Variants in DECR2 observed in about 807,000 individuals in gnomAD.
DECR2 encodes peroxisomal 2,4-dienoyl-CoA reductase [(3E)-enoyl-CoA-producing].
Under a neutral mutation model 29.2 loss-of-function variants are expected in DECR2, and 34 were observed. The observed-to-expected ratio is 1.16, with a 90% CI of 0.89 to 1.55. The LOEUF (loss-of-function observed/expected upper bound fraction) is 1.55. Among genes scored for constraint, DECR2 ranks in the 40% most tolerant of loss-of-function variants. The pLI is 0.00. For missense variants in DECR2, 485 were observed against 425.3 expected, an observed-to-expected ratio of 1.14 and a Z score of -1.23; for synonymous variants, 224 against 182.7, an observed-to-expected ratio of 1.23 and a Z score of -1.82.
At chr16:411,314 G>C (rs1319832955) in intron 7 of DECR2, 47 bp from the exon 8 acceptor site, 1 of 1,552,480 alleles carries the variant, frequency 6.4e-7, no homozygotes, top group Admixed American at 1.7e-5. Flanking sequence ...AGGGGAGGGT[G>C]CTGGGTCTTG....
rs561529923 is a variant in DECR2, at chr16:406,637, A to G, written c.201+240A>G. Reference sequence around the variant, plus strand: ...CTCAGCCTCCGGAGTAGCTGGGACTACAGGTGCCCGCCACCACGCCTGGCT... The same window carrying G: ...CTCAGCCTCCGGAGTAGCTGGGACTGCAGGTGCCCGCCACCACGCCTGGCT... On this transcript the variant is annotated intron_variant, in intron 3 of 8. Transcript: ENST00000219481. 56 of 640,680 alleles carry G rather than the reference A, an allele frequency of 8.7e-5. 1 individual carries two copies. In the African/African-American group the frequency reaches 9.0e-4, roughly 10 times the overall value. 39.7% of individuals were successfully genotyped at this position (640,680 alleles called of 1,614,324 possible).
In DECR2 at chr16:410,793, AC is replaced by A. The variant is rs35431910; in HGVS notation, c.556+18del. On this transcript the variant is annotated intron_variant, in intron 6 of 8. Coordinates refer to ENST00000219481, the MANE Select transcript of DECR2 (RefSeq NM_020664.4). The surrounding 1 kb of genome is among the most constrained non-coding windows in gnomAD (Gnocchi z 4.1). ...CGCCAAGGCCGCTGTGGGTATGACC[AC>A]CCCCCCCCGCCCAGGTTTGCCCACG... is the stretch of plus-strand genomic sequence containing the variant. The A allele has an allele frequency of 3.2e-3, 4,500 of 1,421,228 alleles. 21 individuals are homozygous for A. The highest frequency in any genetic ancestry group is 0.024 in the African/African-American group (1,636 of 67,798). 88.0% of individuals were successfully genotyped at this position (1,421,228 alleles called of 1,614,324 possible). A position where few individuals can be genotyped will look rare whatever the true frequency, so the allele number is the denominator to read the frequency against.
chr16:408,321 C>CTCTGTCTCCAGGCCTTTGTGTCCCGCCT (rs2054768142), intron 4 of DECR2, among the ~76,000 whole-genome samples: 1 of 149,012 alleles, frequency 6.7e-6, no homozygotes, highest in African/African-American at 2.5e-5. Context: ...GTCTCTGGCC[C>CTCTGTCTCCAGGCCTTTGTGTCCCGCCT]TCTGTCTCTG....
chr16:407,069 G>T, intron 3 of DECR2: 2 of 1,082,278 alleles, frequency 1.8e-6, no homozygotes, highest in African/African-American at 3.3e-5. Context: ...GGGCTCACCT[G>T]GGTTATTTAG....
At chr16:411,799 A>G in intron 8 of DECR2, 91 bp from the exon 9 acceptor site, 1 of 509,116 alleles carries the variant, frequency 2.0e-6, no homozygotes, top group Non-Finnish European at 3.4e-6. Flanking sequence ...CTCTGCCGGC[A>G]TTTCTGGCAG....
chr16:406,455 G>A, intron 3 of DECR2, 58 bp downstream of exon 3: 1 of 1,584,122 alleles, frequency 6.3e-7, no homozygotes. Flanking sequence ...GCTGGGGCTG[G>A]GCCTGGGCCA....
intron 7 of DECR2, 90 bp from the exon 8 acceptor site, chr16:411,271 C>A: frequency 7.3e-7 from 1 of 1,367,124 alleles, no homozygotes; most frequent in Non-Finnish European, 1.0e-6. Context: ...CCTTGCTGTT[C>A]CCAGATGCCT....
At chr16:408,086 C>CTGTCTCCGGGCCTCTGTCTCCGGGCCT (rs1567340842) in intron 4 of DECR2, among the ~76,000 whole-genome samples, 1 of 5,218 alleles carries the variant, frequency 1.9e-4, no homozygotes, top group East Asian at 6.3e-3. Context: ...TCTCCGGGCC[C>CTGTCTCCGGGCCTCTGTCTCCGGGCCT]CTGTCTCCAG....
intron 4 of DECR2, among the ~76,000 whole-genome samples, chr16:408,536 T>A (rs1166754337): frequency 2.7e-5 from 4 of 149,814 alleles, no homozygotes; most frequent in African/African-American, 9.9e-5. Context: ...TTTTTTTTTT[T>A]AGACAGCATC....
intron 4 of DECR2, among the ~76,000 whole-genome samples, chr16:408,652 C>T (rs544191951): frequency 3.0e-4 from 45 of 151,828 alleles, no homozygotes; most frequent in African/African-American, 1.0e-3. Context: ...GGACTACAGA[C>T]GTGTGCCATC....
In DECR2 at chr16:410,983, C is replaced by T. The variant is rs758307119; in HGVS notation, c.568C>T (p.Arg190Trp). 9 of 1,599,754 alleles carry T rather than the reference C, an allele frequency of 5.6e-6. No homozygotes were observed. The highest frequency in any genetic ancestry group is 2.3e-5 in the East Asian group (1 of 44,206). The change falls in exon 7 of 9, where the codon CGG becomes TGG. Residue 190 changes from arginine to tryptophan, a missense_variant. Coordinates refer to ENST00000219481, the MANE Select transcript of DECR2 (RefSeq NM_020664.4). This position sits in a 1 kb window ranked among gnomAD's most constrained non-coding sequence, Gnocchi z 4.1. ...TTTCTTCTGTGCAGACGCGATGACG[C>T]GGCACTTGGCTGTGGAGTGGGGTCC... ...SAKAAVDAMT[R>W]HLAVEWGPQN...
intron 4 of DECR2, 123 bp downstream of exon 4, chr16:407,683 G>C (rs2054742893): frequency 9.0e-6 from 13 of 1,440,238 alleles, no homozygotes; most frequent in African/African-American, 1.4e-5. Context: ...TGCTGGGGTG[G>C]GCTGCACCCC....
At chr16:407,247 C>T in intron 3 of DECR2, 178 bp from the exon 4 acceptor site, 1 of 1,415,296 alleles carries the variant, frequency 7.1e-7, no homozygotes, top group Non-Finnish European at 9.2e-7. Context: ...GTGGCAGGTT[C>T]CCACAAACAT....
chr16:402,175 CTTTCTT>C lies in DECR2; in HGVS notation c.80+136_80+141del, dbSNP rs1353826915. ...TGCCTGGCTCCTTTCTTTCTTTTTT[CTTTCTT>C]TTTTTTTTTTTGAGACGGAATCTCG... On this transcript the variant is annotated intron_variant, in intron 1 of 8. Coordinates refer to ENST00000219481, the MANE Select transcript of DECR2 (RefSeq NM_020664.4). 3 of 718,390 alleles carry C rather than the reference CTTTCTT, an allele frequency of 4.2e-6. No individual in the cohort carries two copies. The African/African-American group carries it at 6.0e-5, about 14-fold the overall frequency. 44.5% of individuals were successfully genotyped at this position (718,390 alleles called of 1,614,324 possible).
intron 1 of DECR2, among the ~76,000 whole-genome samples, chr16:404,164 C>A (rs2054698211): frequency 6.6e-6 from 1 of 151,566 alleles, no homozygotes; most frequent in African/African-American, 2.4e-5. Flanking sequence ...CAGAGCGAGA[C>A]TCCATCTCAA....
chr16:410,761 C>CA lies in DECR2; in HGVS notation c.534dup (p.Gly179ArgfsTer113). 2.5e-6 allele frequency: 4 copies of CA among 1,603,004 alleles called. No homozygotes were observed. The highest frequency in any genetic ancestry group is 3.4e-6 in the Non-Finnish European group (4 of 1,176,526). On this transcript the variant is annotated frameshift_variant, in exon 6 of 9. Transcript: ENST00000219481. LOFTEE classifies it high-confidence loss of function. This position sits in a 1 kb window ranked among gnomAD's most constrained non-coding sequence, Gnocchi z 4.1. ...CGGGGGCAGGCGCTCCAGGTGCATGCAGGCTCCGCCAAGGCCGCTGTGGGT... is the reference window on the plus strand; with the variant it reads ...CGGGGGCAGGCGCTCCAGGTGCATGCAAGGCTCCGCCAAGGCCGCTGTGGGT...
Position 410,830 on chromosome 16 carries a change from A to G in DECR2, c.556+46A>G, listed in dbSNP as rs61645593. On this transcript the variant is annotated intron_variant, in intron 6 of 8. Transcript: ENST00000219481. This position sits in a 1 kb window ranked among gnomAD's most constrained non-coding sequence, Gnocchi z 4.1. ...CCAGGTTTGCCCACGTGGGTCCCCA[A>G]TGGGCCGTCTGCTTCCATCCCAGGA... The G allele has an allele frequency of 0.021, 31,936 of 1,533,674 alleles. 1,390 individuals are homozygous for G. Among genetic ancestry groups the G allele is most frequent in the East Asian group, 0.19 (7,783 of 41,108 alleles).
intron 3 of DECR2, 64 bp from the exon 4 acceptor site, chr16:407,361 C>T (rs2054737877): frequency 6.5e-7 from 1 of 1,537,242 alleles, no homozygotes; most frequent in Non-Finnish European, 8.7e-7. Context: ...TCTGCAGATT[C>T]CAAAGGCCTT....
At position 407,421 on chromosome 16, in the gene DECR2, C is replaced by G. The variant is rs139026590; in HGVS notation, c.202-4C>G. Reference sequence around the variant, plus strand: ...TGCTGTCTGCCTCTTTACCTGGCTTCTAGGCCGCCAGGAAGCTGGCTGGGG... The same window carrying G: ...TGCTGTCTGCCTCTTTACCTGGCTTGTAGGCCGCCAGGAAGCTGGCTGGGG... On this transcript the variant is annotated splice_region_variant and splice_polypyrimidine_tract_variant and intron_variant, in intron 3 of 8. Transcript: ENST00000219481. 3.2e-5 allele frequency: 51 copies of G among 1,605,166 alleles called. No homozygotes were observed. In the East Asian group the frequency reaches 1.0e-3, roughly 32 times the overall value.
Sources: allele counts gnomAD v4.1 joint callset (sites outside exome capture counted in the v4.1 genomes callset), GRCh38; gene constraint gnomAD v4.1.1; non-coding constraint Gnocchi (gnomAD v3.1); transcripts MANE v1.5; gene names NCBI Gene and HGNC (gene_info 2026-07-23, HGNC 2026-07-21).